CSAD: variants seen among roughly 807,000 people sequenced by gnomAD.
CSAD encodes P-selectin cytoplasmic tail-associated protein.
A neutral mutation model predicts 61.5 loss-of-function variants in CSAD; 47 were observed. The ratio of observed to expected loss-of-function variants is 0.76; its 90% CI spans 0.60 to 0.97. CSAD has a LOEUF of 0.97. CSAD is among the 50% of genes least tolerant of loss of function. The pLI, the probability that CSAD is intolerant of heterozygous loss-of-function variation, is 0.00. For synonymous variants in CSAD, 245 were observed against 252.7 expected, an observed-to-expected ratio of 0.97 and a Z score of 0.29; for missense variants, 611 against 643.6, an observed-to-expected ratio of 0.95 and a Z score of 0.55.
chr12:53,172,458 G>A (rs769365303), intron 5 of CSAD, 22 bp from the exon 6 acceptor site: 6 of 1,614,004 alleles, frequency 3.7e-6, no homozygotes, highest in South Asian at 2.2e-5. Context: ...GAGTAAGCCA[G>A]GGAGCTCAGA....
At chr12:53,180,581 C>G (rs1294779114) in intron 1 of CSAD, 151 bp downstream of exon 1, 1 of 1,285,192 alleles carries the variant, frequency 7.8e-7, no homozygotes, top group Non-Finnish European at 1.0e-6. Flanking sequence ...CTGCACCTCT[C>G]CGTGCGTCCC....
intron 1 of CSAD, chr12:53,179,698 C>T: frequency 2.4e-6 from 3 of 1,251,586 alleles, no homozygotes; most frequent in Non-Finnish European, 1.1e-6. Flanking sequence ...GAATCCTTGT[C>T]TTTTTTTCAT....
chr12:53,161,446 G>A (rs1939269181), intron 10 of CSAD, 57 bp from the exon 11 acceptor site: 23 of 1,424,780 alleles, frequency 1.6e-5, no homozygotes, highest in Non-Finnish European at 2.2e-5. Context: ...GCTACTCAGA[G>A]CCTGATGCTG....
chr12:53,173,631 G>A (rs1163318846), intron 3 of CSAD, 97 bp downstream of exon 3: 2 of 1,473,860 alleles, frequency 1.4e-6, no homozygotes, highest in South Asian at 2.3e-5. Flanking sequence ...AGTGCCCAGG[G>A]AGAAAACCAG....
intron 3 of CSAD, 27 bp from the exon 4 acceptor site, chr12:53,173,503 C>A (rs368080663): frequency 1.9e-6 from 3 of 1,613,990 alleles, no homozygotes; most frequent in Non-Finnish European, 2.5e-6. Context: ...TCATTCCCTA[C>A]TCAGCCTGTC....
At position 53,171,886 on chromosome 12, in the gene CSAD, G is replaced by A; in HGVS notation, c.447C>T (p.Cys149=). The A allele has an allele frequency of 1.9e-6, 3 of 1,608,892 alleles. No homozygotes were observed. The highest frequency in any genetic ancestry group is 2.6e-6 in the Non-Finnish European group (3 of 1,175,318). Residue 149 remains cysteine, a synonymous_variant, in exon 7 of 17, where the codon TGC becomes TGT. Transcript: ENST00000444623. ...GTCCTCCTCCTTCTCACAAACCAGG[G>A]CAGAAGATTCCGTCCCCAGAGCTCC... ...VGWSSGDGIF[C]PGGSISNMYA...
chr12:53,179,715 G>GTT (rs11401485), intron 1 of CSAD: 13,197 of 1,220,574 alleles, frequency 0.011, 4 homozygotes, highest in South Asian at 0.026. Flanking sequence ...TCATCATACA[G>GTT]TTTTTTTTTT....
intron 1 of CSAD, chr12:53,179,781 G>A (rs1941420767): frequency 6.2e-7 from 1 of 1,611,952 alleles, no homozygotes; most frequent in African/African-American, 1.3e-5. Context: ...ACCTACAGCA[G>A]AAATGAGGAC....
chr12:53,171,739 C>T (rs952459479), intron 7 of CSAD, 143 bp downstream of exon 7: 18 of 648,458 alleles, frequency 2.8e-5, no homozygotes, highest in African/African-American at 3.7e-5. Flanking sequence ...ACCAGGCAGC[C>T]GCCTCCCTGG....
At chr12:53,170,380 G>A in intron 9 of CSAD, 43 bp downstream of exon 9, 1 of 1,559,710 alleles carries the variant, frequency 6.4e-7, no homozygotes, top group Non-Finnish European at 8.8e-7. Context: ...AAGTTACGCT[G>A]TGCAAAGCTA....
intron 10 of CSAD, 36 bp from the exon 11 acceptor site, chr12:53,161,425 T>C (rs764827322): frequency 5.8e-6 from 9 of 1,560,448 alleles, no homozygotes; most frequent in Admixed American, 1.7e-5. Flanking sequence ...AGATGTAAAG[T>C]CATCTCAAAA....
intron 10 of CSAD, among the ~76,000 whole-genome samples, chr12:53,165,703 C>G (rs73309141): frequency 6.6e-6 from 1 of 150,884 alleles, no homozygotes; most frequent in East Asian, 1.9e-4. Flanking sequence ...AAATAACAAG[C>G]GTTGACAAGG....
At chr12:53,180,013 C>G (rs1941444161) in intron 1 of CSAD, 1 of 1,449,420 alleles carries the variant, frequency 6.9e-7, no homozygotes, top group African/African-American at 1.4e-5. Context: ...GCTGGACGGC[C>G]TGGAGTAAAG....
At chr12:53,171,171 C>T (rs2121512820) in intron 8 of CSAD, 155 bp downstream of exon 8, 1 of 1,133,930 alleles carries the variant, frequency 8.8e-7, no homozygotes, top group East Asian at 2.6e-5. Context: ...GGAGCAGTTA[C>T]TTGACCTCCT....
At chr12:53,168,480 G>C (rs1940178294) in intron 10 of CSAD, among the ~76,000 whole-genome samples, 1 of 152,026 alleles carries the variant, frequency 6.6e-6, no homozygotes, top group African/African-American at 2.4e-5. Flanking sequence ...CTACTCAGAG[G>C]TAACATCCAT....
chr12:53,180,103 G>A, intron 1 of CSAD: 1 of 1,357,152 alleles, frequency 7.4e-7, no homozygotes, highest in Non-Finnish European at 9.5e-7. Context: ...CTGCAGGGAG[G>A]TGAGCAGTGT....
At chr12:53,168,918 G>A (rs1042885151) in intron 10 of CSAD, among the ~76,000 whole-genome samples, 4 of 152,126 alleles carry the variant, frequency 2.6e-5, no homozygotes, top group Admixed American at 1.3e-4. Flanking sequence ...GGTGGCTCAC[G>A]CCTATAATCC....
At chr12:53,170,193 T>C (rs1384732657) in intron 9 of CSAD, 67 bp from the exon 10 acceptor site, 2 of 1,438,178 alleles carry the variant, frequency 1.4e-6, no homozygotes, top group Non-Finnish European at 2.0e-6. Context: ...TAAGGTGGGG[T>C]TAGCAATGCA....
At chr12:53,180,129 A>G in intron 1 of CSAD, 1 of 1,288,114 alleles carries the variant, frequency 7.8e-7, no homozygotes, top group East Asian at 3.5e-5. Flanking sequence ...AGGGCTACTC[A>G]AGGAACGCCT....
Sources: gnomAD v4.1 joint callset for allele counts (sites outside exome capture counted in the v4.1 genomes callset) on GRCh38, gnomAD v4.1.1 for gene constraint, MANE v1.5 for transcripts, NCBI Gene and HGNC (gene_info 2026-07-23, HGNC 2026-07-21) for gene names.